The following DOCK4 variants were observed in gnomAD, a reference collection of about 807,000 sequenced individuals.
The protein encoded by DOCK4 is dedicator of cytokinesis protein 4.
DOCK4 carries 97 observed loss-of-function variants against 268.1 expected under a neutral mutation model. The ratio of observed to expected loss-of-function variants is 0.36; its 90% CI spans 0.31 to 0.43. The LOEUF is 0.43. DOCK4 is among the 20% of genes least tolerant of loss of function. DOCK4 has a pLI of 1.00. For synonymous variants in DOCK4, 954 were observed against 887.2 expected (o/e 1.08, Z -1.34); for missense variants, 2,145 against 2,455.7 (o/e 0.87, Z 2.67).
chr7:112,140,664 T>C (rs1443052368), intron 1 of DOCK4, among the ~76,000 whole-genome samples: 1 of 105,798 alleles, frequency 9.5e-6, no homozygotes, highest in Non-Finnish European at 2.5e-5. Flanking sequence ...GATGCATTTT[T>C]TAAATGCAGA....
chr7:112,156,879 A>C (rs1234508808), intron 1 of DOCK4, among the ~76,000 whole-genome samples: 1 of 152,242 alleles, frequency 6.6e-6, no homozygotes, highest in Non-Finnish European at 1.5e-5. Flanking sequence ...TCAATAAAAT[A>C]TCATGTAGCT....
intron 13 of DOCK4, among the ~76,000 whole-genome samples, chr7:111,914,413 T>C (rs1457469972): frequency 6.6e-6 from 1 of 152,166 alleles, no homozygotes; most frequent in Non-Finnish European, 1.5e-5. Context: ...CTCTAGCTGT[T>C]TCCTTTCTCA....
At chr7:111,730,590 G>C (rs1237971000) in intron 52 of DOCK4, among the ~76,000 whole-genome samples, 2 of 152,042 alleles carry the variant, frequency 1.3e-5, no homozygotes, top group African/African-American at 4.8e-5. Flanking sequence ...GGTCAGCTCA[G>C]TCTTCGCTGT....
intron 5 of DOCK4, among the ~76,000 whole-genome samples, 178 bp downstream of exon 5, chr7:111,993,957 A>G (rs1799728053): frequency 6.6e-6 from 1 of 152,212 alleles, no homozygotes; most frequent in Non-Finnish European, 1.5e-5. Context: ...AATAACTTAC[A>G]AAACCCATGC....
intron 47 of DOCK4, chr7:111,740,112 T>G (rs1394674287): frequency 2.2e-6 from 1 of 447,538 alleles, no homozygotes; most frequent in Non-Finnish European, 4.5e-6. Flanking sequence ...TTTTTCTTTT[T>G]TCTTTGAGAC....
In DOCK4 at chr7:111,847,140, A is replaced by T; in HGVS notation, c.2474-14T>A. The T allele has an allele frequency of 6.2e-7, 1 of 1,613,482 alleles. No individual in the cohort carries two copies. The highest frequency in any genetic ancestry group is 1.1e-5 in the South Asian group (1 of 91,044). ...TGTATCGGGAATCTGAAGAGAGAAG[A>T]GTCATTAGTGTCACATCTGTTGGAG... On this transcript the variant is annotated splice_polypyrimidine_tract_variant and intron_variant, in intron 23 of 52. Coordinates refer to ENST00000428084, the MANE Select transcript of DOCK4 (RefSeq NM_001363540.2).
chr7:112,075,224 G>A (rs2135690180), intron 1 of DOCK4, among the ~76,000 whole-genome samples: 1 of 152,296 alleles, frequency 6.6e-6, no homozygotes, highest in African/African-American at 2.4e-5. Context: ...ATTCACCCAG[G>A]AGAAAGTACC....
intron 25 of DOCK4, among the ~76,000 whole-genome samples, chr7:111,838,364 CAG>C (rs1276847304): frequency 6.6e-6 from 1 of 151,958 alleles, no homozygotes; most frequent in African/African-American, 2.4e-5. Flanking sequence ...AACAGAAAAA[CAG>C]GTAAATGGAA....
At chr7:111,989,185 A>G (rs1249191010) in intron 5 of DOCK4, 22 bp from the exon 6 acceptor site, 1 of 1,613,410 alleles carries the variant, frequency 6.2e-7, no homozygotes, top group East Asian at 2.2e-5. Flanking sequence ...ACAAATGTGG[A>G]GATTTGGCAG....
In DOCK4 at chr7:111,936,916, G is replaced by A. The variant is rs183175748; in HGVS notation, c.978-1288C>T. On this transcript the variant is annotated intron_variant, in intron 11 of 52. Transcript: ENST00000428084. ...TCTAAATGAGCGCCGAATCTTAAGAGGGCTGGAAAATTAAGATGGAATGAA... is the reference window on the plus strand; with the variant it reads ...TCTAAATGAGCGCCGAATCTTAAGAAGGCTGGAAAATTAAGATGGAATGAA... Among the ~76,000 whole-genome samples the A allele has an allele frequency of 7.6e-4, 115 of 152,286 alleles. 1 individual carries two copies. The East Asian group carries it at 0.017, about 22-fold the overall frequency.
chr7:111,929,098 T>C (rs1793977036), intron 12 of DOCK4, among the ~76,000 whole-genome samples: 1 of 152,170 alleles, frequency 6.6e-6, no homozygotes, highest in Non-Finnish European at 1.5e-5. Flanking sequence ...AATGTATATA[T>C]GTATGATGTG....
chr7:111,796,310 A>G (rs1040412984), intron 30 of DOCK4, among the ~76,000 whole-genome samples: 3 of 152,172 alleles, frequency 2.0e-5, no homozygotes, highest in Admixed American at 2.0e-4. Flanking sequence ...TACATCACCA[A>G]AGTCATGCAG....
At chr7:111,933,090 GTATATACACATATATA>G (rs1794338214) in intron 12 of DOCK4, among the ~76,000 whole-genome samples, 4 of 124,312 alleles carry the variant, frequency 3.2e-5, no homozygotes, top group Admixed American at 3.2e-4. Flanking sequence ...ATATATATAC[GTATATACACATATATA>G]TACGTATATA....
chr7:112,105,569 T>TA (rs11371769), intron 1 of DOCK4, among the ~76,000 whole-genome samples: 45,850 of 147,874 alleles, frequency 0.31, 7,685 homozygotes, highest in Middle Eastern at 0.45. Context: ...ACAACAAATC[T>TA]AAAAAAAAAA....
chr7:111,963,061 C>G (rs554196687), intron 8 of DOCK4, among the ~76,000 whole-genome samples: 16 of 152,168 alleles, frequency 1.1e-4, no homozygotes, highest in African/African-American at 3.9e-4. Context: ...TAGATTAGTC[C>G]CAAGACAAAT....
At chr7:111,783,254 C>T (rs1425127018) in intron 34 of DOCK4, among the ~76,000 whole-genome samples, 2 of 152,170 alleles carry the variant, frequency 1.3e-5, no homozygotes, top group Non-Finnish European at 2.9e-5. Flanking sequence ...TTATTGTACA[C>T]TTCCTACAGT....
At chr7:111,897,372 G>A (rs1358263742) in intron 15 of DOCK4, among the ~76,000 whole-genome samples, 3 of 151,812 alleles carry the variant, frequency 2.0e-5, no homozygotes, top group Non-Finnish European at 2.9e-5. Flanking sequence ...CTTTCTTAAT[G>A]TCATTTAATG....
chr7:111,919,771 A>G (rs1792947307), intron 12 of DOCK4, among the ~76,000 whole-genome samples: 1 of 152,232 alleles, frequency 6.6e-6, no homozygotes, highest in Non-Finnish European at 1.5e-5. Flanking sequence ...ATCTTTCCAC[A>G]AAGAAACCAC....
chr7:111,960,458 AC>A (rs529786476), intron 8 of DOCK4, among the ~76,000 whole-genome samples: 107 of 150,790 alleles, frequency 7.1e-4, no homozygotes, highest in South Asian at 1.5e-3. Context: ...AAATACGTAT[AC>A]ATTGTGGAAT....
Sources: allele counts gnomAD v4.1 joint callset (sites outside exome capture counted in the v4.1 genomes callset), GRCh38; gene constraint gnomAD v4.1.1; transcripts MANE v1.5; gene names NCBI Gene and HGNC (gene_info 2026-07-23, HGNC 2026-07-21).